The following DNAJC15 variants were observed in gnomAD, a reference collection of about 807,000 sequenced individuals.
DNAJC15 encodes the protein DnaJ heat shock protein family (Hsp40) member C15, also known as dnaJ homolog subfamily C member 15.
In DNAJC15, 27 loss-of-function variants were observed where a neutral mutation model predicts 22.4. The ratio of observed to expected loss-of-function variants is 1.20; its 90% confidence interval spans 0.89 to 1.66. DNAJC15 has a LOEUF of 1.66. Among genes scored for constraint, DNAJC15 ranks in the 40% most tolerant of loss-of-function variants. The pLI is 0.00. For missense variants in DNAJC15, 208 were observed against 187.1 expected (o/e 1.11, Z -0.65); for synonymous variants, 79 against 63.2 (o/e 1.25, Z -1.19).
intron 1 of DNAJC15, among the ~76,000 whole-genome samples, chr13:43,048,150 T>C (rs556232736): frequency 6.6e-6 from 1 of 152,336 alleles, no homozygotes; most frequent in South Asian, 2.1e-4. Flanking sequence ...CTATGCTTTT[T>C]GTAATTTTTG....
chr13:43,064,221 CA>C (rs1156505402), intron 1 of DNAJC15, among the ~76,000 whole-genome samples: 1 of 152,218 alleles, frequency 6.6e-6, no homozygotes, highest in Non-Finnish European at 1.5e-5. Context: ...CTAGATTTCT[CA>C]GAGTTTTTGC....
chr13:43,029,283 A>G (rs193185673), intron 1 of DNAJC15, among the ~76,000 whole-genome samples: 9 of 152,366 alleles, frequency 5.9e-5, no homozygotes, highest in Admixed American at 5.9e-4. Flanking sequence ...ATGAGTGAAT[A>G]GTCTACGTCT....
At chr13:43,065,557 T>C in intron 1 of DNAJC15, 129 bp from the exon 2 acceptor site, 1 of 715,952 alleles carries the variant, frequency 1.4e-6, no homozygotes, top group Non-Finnish European at 2.4e-6. Context: ...TTTTTTTAAG[T>C]CCTGATCTTC....
chr13:43,090,852 C>T (rs1051281548), intron 5 of DNAJC15, among the ~76,000 whole-genome samples: 10 of 150,902 alleles, frequency 6.6e-5, no homozygotes, highest in African/African-American at 1.2e-4. Context: ...GAACTACAGG[C>T]GCCCACCACC....
intron 1 of DNAJC15, among the ~76,000 whole-genome samples, chr13:43,065,264 T>C (rs1299574589): frequency 6.6e-6 from 1 of 152,180 alleles, no homozygotes; most frequent in African/African-American, 2.4e-5. Context: ...TCCTAAACAT[T>C]GATGTAAGGT....
chr13:43,099,701 C>G lies in DNAJC15; in HGVS notation c.383-7477C>G, dbSNP rs1166517298. On this transcript the variant is annotated intron_variant, in intron 5 of 5. Coordinates refer to ENST00000379221, the MANE Select transcript of DNAJC15 (RefSeq NM_013238.3). ...TATATTTATTTTTTGGTGGTTAAAC[C>G]AAACTTGCATCCCTGTGTTAAATCC... Among the ~76,000 whole-genome samples the G allele has an allele frequency of 4.6e-5, 7 of 151,960 alleles. No homozygotes were observed. In the East Asian group the frequency reaches 1.4e-3, roughly 29 times the overall value.
intron 3 of DNAJC15, among the ~76,000 whole-genome samples, chr13:43,076,355 T>C (rs747175236): frequency 6.6e-6 from 1 of 152,346 alleles, no homozygotes; most frequent in East Asian, 1.9e-4. Flanking sequence ...TATAATAAGC[T>C]GTTCAAAGAG....
chr13:43,070,639 C>CTAG (rs2040604137), intron 3 of DNAJC15, among the ~76,000 whole-genome samples: 1 of 152,002 alleles, frequency 6.6e-6, no homozygotes, highest in African/African-American at 2.4e-5. Context: ...TAAGAGCTTC[C>CTAG]TAGGTGGTGG....
intron 5 of DNAJC15, among the ~76,000 whole-genome samples, chr13:43,102,153 G>A (rs1044809418): frequency 1.3e-5 from 2 of 151,932 alleles, no homozygotes; most frequent in Admixed American, 1.3e-4. Flanking sequence ...TGGCATTCTG[G>A]TTTTGATTTG....
At chr13:43,069,756 C>G (rs1472470691) in intron 3 of DNAJC15, among the ~76,000 whole-genome samples, 1 of 152,138 alleles carries the variant, frequency 6.6e-6, no homozygotes, top group Non-Finnish European at 1.5e-5. Flanking sequence ...AGTTGATCAT[C>G]CGCTATTCTG....
At position 43,107,254 on chromosome 13, in the gene DNAJC15, A is replaced by G; in HGVS notation, c.*6A>G. ...AAACAACCACCAAACATTGATGCTTAAGGACCACACTGAAGGAAAAAAAAA... is the reference window on the plus strand; with the variant it reads ...AAACAACCACCAAACATTGATGCTTGAGGACCACACTGAAGGAAAAAAAAA... On this transcript the variant is annotated 3_prime_UTR_variant, in exon 6 of 6. Coordinates refer to ENST00000379221, the MANE Select transcript of DNAJC15 (RefSeq NM_013238.3). The G allele has an allele frequency of 6.4e-7, 1 of 1,570,314 alleles. No individual in the cohort carries two copies. The highest frequency in any genetic ancestry group is 8.6e-7 in the Non-Finnish European group (1 of 1,163,570).
rs551398234 is a variant in DNAJC15, at chr13:43,097,094, CCA to C, written c.383-10083_383-10082del. The stretch of plus-strand genomic sequence containing the variant: ...CAGAAAAGGCTGATATAAAAAATGC[CCA>C]TGATGTCATGGATCATAAGTGCTTT... On this transcript the variant is annotated intron_variant, in intron 5 of 5. Coordinates refer to ENST00000379221, the MANE Select transcript of DNAJC15 (RefSeq NM_013238.3). Among the ~76,000 whole-genome samples, 198 of 152,224 alleles carry C rather than the reference CCA, an allele frequency of 1.3e-3. 1 individual carries two copies. Among genetic ancestry groups the C allele is most frequent in the Admixed American group, 3.1e-3 (48 of 15,284 alleles).
chr13:43,092,727 C>A (rs2040721219), intron 5 of DNAJC15, among the ~76,000 whole-genome samples: 1 of 152,144 alleles, frequency 6.6e-6, no homozygotes, highest in East Asian at 1.9e-4. Flanking sequence ...GCCTGGGCAA[C>A]ATAGCAAGAC....
intron 4 of DNAJC15, among the ~76,000 whole-genome samples, chr13:43,081,364 A>G (rs1361033843): frequency 6.6e-6 from 1 of 152,302 alleles, no homozygotes; most frequent in African/African-American, 2.4e-5. Flanking sequence ...GGGACCTGCC[A>G]TACATCATTT....
intron 3 of DNAJC15, among the ~76,000 whole-genome samples, chr13:43,075,697 C>T (rs980682905): frequency 6.6e-6 from 1 of 152,178 alleles, no homozygotes; most frequent in Non-Finnish European, 1.5e-5. Flanking sequence ...CAGTCTGTCT[C>T]CATTGCCCAG....
At chr13:43,063,374 C>T (rs537392269) in intron 1 of DNAJC15, among the ~76,000 whole-genome samples, 1 of 152,316 alleles carries the variant, frequency 6.6e-6, no homozygotes, top group Admixed American at 6.5e-5. Context: ...GGTCACTGTG[C>T]TAAATCTTTT....
At chr13:43,081,025 A>T (rs143012182) in intron 4 of DNAJC15, among the ~76,000 whole-genome samples, 169 of 152,330 alleles carry the variant, frequency 1.1e-3, no homozygotes, top group African/African-American at 3.9e-3. Context: ...TTGATAACCT[A>T]TTTTAAAAAT....
At chr13:43,042,292 A>G (rs1287914852) in intron 1 of DNAJC15, among the ~76,000 whole-genome samples, 1 of 152,236 alleles carries the variant, frequency 6.6e-6, no homozygotes, top group South Asian at 2.1e-4. Flanking sequence ...AGTTGTAATA[A>G]AACTTATGTG....
At chr13:43,100,068 G>A (rs2040759860) in intron 5 of DNAJC15, among the ~76,000 whole-genome samples, 1 of 151,974 alleles carries the variant, frequency 6.6e-6, no homozygotes, top group Non-Finnish European at 1.5e-5. Context: ...TATTCAAGTT[G>A]TCTCTTCTTG....
Sources: gnomAD v4.1 joint callset for allele counts (sites outside exome capture counted in the v4.1 genomes callset) on GRCh38, gnomAD v4.1.1 for gene constraint, MANE v1.5 for transcripts, NCBI Gene and HGNC (gene_info 2026-07-23, HGNC 2026-07-21) for gene names.